STAU2: variants seen among roughly 807,000 people sequenced by gnomAD.
STAU2 encodes double-stranded RNA-binding protein Staufen homolog 2.
Under a neutral mutation model 65.9 loss-of-function variants are expected in STAU2, and 20 were observed. The observed-to-expected ratio is 0.30, with a 90% CI of 0.21 to 0.44. STAU2 has a LOEUF of 0.44. Ranked by LOEUF, STAU2 falls within the 20% of genes least tolerant of loss-of-function variation. The probability of loss-of-function intolerance (pLI) is 1.00; values close to 1 mark genes in which losing one functional copy is unlikely to be tolerated. For missense variants in STAU2, 558 were observed against 683.9 expected, an observed-to-expected ratio of 0.82 and a Z score of 2.05; for synonymous variants, 232 against 233.9, an observed-to-expected ratio of 0.99 and a Z score of 0.07.
chr8:73,429,160 A>T (rs148607918), intron 13 of STAU2, among the ~76,000 whole-genome samples: 1 of 152,294 alleles, frequency 6.6e-6, no homozygotes, highest in Non-Finnish European at 1.5e-5. Context: ...TTTTCAATTT[A>T]TAAGAGGCAG....
chr8:73,549,004 AT>A (rs1807133986), intron 13 of STAU2, among the ~76,000 whole-genome samples: 1 of 152,224 alleles, frequency 6.6e-6, no homozygotes, highest in Non-Finnish European at 1.5e-5. Flanking sequence ...CATGAAACAA[AT>A]TCTTTCACTT....
At chr8:73,555,309 C>G (rs1462531913) in intron 12 of STAU2, among the ~76,000 whole-genome samples, 1 of 132,758 alleles carries the variant, frequency 7.5e-6, no homozygotes, top group East Asian at 2.2e-4. Flanking sequence ...TAGGAAACCT[C>G]AGGCCATGCC....
At chr8:73,685,924 C>T (rs1348599427) in intron 5 of STAU2, among the ~76,000 whole-genome samples, 15 of 152,002 alleles carry the variant, frequency 9.9e-5, no homozygotes, top group Admixed American at 7.2e-4. Context: ...AATCAACGAA[C>T]GGATAAAGAA....
At chr8:73,639,526 G>A (rs945021499) in intron 6 of STAU2, among the ~76,000 whole-genome samples, 6 of 152,050 alleles carry the variant, frequency 3.9e-5, no homozygotes, top group Non-Finnish European at 5.9e-5. Context: ...ATAGTAAGGT[G>A]CTAATGAGCC....
At chr8:73,675,009 C>T (rs1817937549) in intron 5 of STAU2, among the ~76,000 whole-genome samples, 1 of 151,754 alleles carries the variant, frequency 6.6e-6, no homozygotes, top group Non-Finnish European at 1.5e-5. Context: ...TATTCATCAA[C>T]ACATGGAACA....
chr8:73,618,227 G>A (rs1375764236), intron 6 of STAU2, among the ~76,000 whole-genome samples: 1 of 152,112 alleles, frequency 6.6e-6, no homozygotes, highest in African/African-American at 2.4e-5. Flanking sequence ...AAAATATGTA[G>A]AATACCTAGT....
chr8:73,479,059 C>A (rs2061241758), intron 13 of STAU2, among the ~76,000 whole-genome samples: 1 of 152,038 alleles, frequency 6.6e-6, no homozygotes, highest in Non-Finnish European at 1.5e-5. Context: ...ATTATCAATT[C>A]ATGGCCAATT....
intron 4 of STAU2, among the ~76,000 whole-genome samples, chr8:73,697,834 C>A (rs1182302836): frequency 6.6e-6 from 1 of 152,166 alleles, no homozygotes; most frequent in Non-Finnish European, 1.5e-5. Flanking sequence ...AATCCCAGTA[C>A]TTTGGGAGGC....
chr8:73,506,804 T>C (rs1331902495), intron 13 of STAU2, among the ~76,000 whole-genome samples: 1 of 152,226 alleles, frequency 6.6e-6, no homozygotes, highest in Non-Finnish European at 1.5e-5. Flanking sequence ...GTCTATCCTC[T>C]CAAACCCTGC....
intron 13 of STAU2, among the ~76,000 whole-genome samples, chr8:73,455,886 G>T (rs1309404036): frequency 1.3e-5 from 2 of 152,166 alleles, no homozygotes; most frequent in Non-Finnish European, 2.9e-5. Flanking sequence ...AAACATAGTG[G>T]ATGTTCAGTA....
chr8:73,586,022 GC>G (rs1810342402), intron 11 of STAU2, among the ~76,000 whole-genome samples: 1 of 152,226 alleles, frequency 6.6e-6, no homozygotes, highest in African/African-American at 2.4e-5. Flanking sequence ...TCCCCAGCCA[GC>G]CCTGCAGAAC....
chr8:73,640,314 A>C (rs748293352), intron 6 of STAU2, among the ~76,000 whole-genome samples: 7 of 152,128 alleles, frequency 4.6e-5, no homozygotes, highest in African/African-American at 9.6e-5. Flanking sequence ...GGGACAAATA[A>C]GTGGAACTGA....
chr8:73,503,651 A>G (rs1212689862), intron 13 of STAU2, among the ~76,000 whole-genome samples: 1 of 152,060 alleles, frequency 6.6e-6, no homozygotes, highest in Non-Finnish European at 1.5e-5. Flanking sequence ...TAAAATTAGA[A>G]TATTAATCAC....
At chr8:73,498,535 A>G (rs1292244280) in intron 13 of STAU2, among the ~76,000 whole-genome samples, 1 of 151,816 alleles carries the variant, frequency 6.6e-6, no homozygotes, top group Non-Finnish European at 1.5e-5. Context: ...GTGACATAAA[A>G]ACTCAAGTCT....
chr8:73,708,911 C>G, intron 4 of STAU2, 121 bp downstream of exon 4: 1 of 902,072 alleles, frequency 1.1e-6, no homozygotes, highest in Non-Finnish European at 1.5e-6. Context: ...TAATGTAGAA[C>G]TAAAAGCCTT....
rs1009608657 is a variant in STAU2 at position 73,550,676 on chromosome 8, T to G, written c.1530+1336A>C. The G allele has an allele frequency of 3.0e-6, 3 of 985,078 alleles. No individual in the cohort carries two copies. The African/African-American group carries it at 5.2e-5, about 17-fold the overall frequency. 61.0% of individuals were successfully genotyped at this position (985,078 alleles called of 1,614,324 possible). On this transcript the variant is annotated intron_variant, in intron 13 of 14. Coordinates refer to ENST00000524300, the MANE Select transcript of STAU2 (RefSeq NM_001164380.2). ...TTTAAACAGTGATTTATTGTGTTTC[T>G]TAAGGTAAAACAACAAAAACAAATT...
intron 6 of STAU2, among the ~76,000 whole-genome samples, chr8:73,630,252 T>A (rs549150532): frequency 6.6e-6 from 1 of 152,254 alleles, no homozygotes; most frequent in South Asian, 2.1e-4. Flanking sequence ...GGTATGCTTT[T>A]ACATCGGTTA....
At chr8:73,519,614 A>G (rs1822934800) in intron 13 of STAU2, among the ~76,000 whole-genome samples, 1 of 152,190 alleles carries the variant, frequency 6.6e-6, no homozygotes, top group African/African-American at 2.4e-5. Flanking sequence ...TTCACAAAAA[A>G]ATGTCCTTAT....
In STAU2 at chr8:73,606,975, A is replaced by G. The variant is rs185652143; in HGVS notation, c.892-3112T>C. Among the ~76,000 whole-genome samples the G allele has an allele frequency of 8.9e-4, 135 of 152,368 alleles. 1 individual carries two copies. The highest frequency in any genetic ancestry group is 3.1e-3 in the African/African-American group (129 of 41,592). On this transcript the variant is annotated intron_variant, in intron 9 of 14. Transcript: ENST00000524300. ...CTGGGTTAAAGAAGCCAGCCAAAAA[A>G]AAGAGTGGTTTCTCGGCAAATTAAG... is the stretch of plus-strand genomic sequence containing the variant.
Sources: gnomAD v4.1 joint callset for allele counts (sites outside exome capture counted in the v4.1 genomes callset) on GRCh38, gnomAD v4.1.1 for gene constraint, MANE v1.5 for transcripts, NCBI Gene and HGNC (gene_info 2026-07-23, HGNC 2026-07-21) for gene names.